Variants in USP15 observed in about 807,000 individuals in gnomAD.
USP15 encodes the protein ubiquitin carboxyl-terminal hydrolase 15.
Under a neutral mutation model 127.1 loss-of-function variants are expected in USP15, and 18 were observed. The ratio of observed to expected loss-of-function variants is 0.14; its 90% CI spans 0.10 to 0.21. USP15 has a LOEUF of 0.21. Ranked by LOEUF, USP15 falls within the 10% of genes least tolerant of loss-of-function variation. The pLI is 1.00. For synonymous variants in USP15, 364 were observed against 393.7 expected, an observed-to-expected ratio of 0.92 and a Z score of 0.89; for missense variants, 805 against 1,159.9, an observed-to-expected ratio of 0.69 and a Z score of 4.44.
chr12:62,269,026 T>G (rs928173678), intron 1 of USP15, among the ~76,000 whole-genome samples: 1 of 152,164 alleles, frequency 6.6e-6, no homozygotes, highest in Non-Finnish European at 1.5e-5. Flanking sequence ...GCATCTTGCT[T>G]CTTTTACTTA....
intron 1 of USP15, among the ~76,000 whole-genome samples, chr12:62,275,951 A>G (rs1028109454): frequency 1.3e-5 from 2 of 151,882 alleles, no homozygotes; most frequent in Non-Finnish European, 2.9e-5. Flanking sequence ...ACATGGTGGA[A>G]GATTACAGGT....
At chr12:62,350,814 G>T (rs906074531) in intron 7 of USP15, among the ~76,000 whole-genome samples, 1 of 152,044 alleles carries the variant, frequency 6.6e-6, no homozygotes, top group African/African-American at 2.4e-5. Flanking sequence ...TTTTCATAGA[G>T]ACAGTCCCAC....
In USP15 at chr12:62,260,514, G is replaced by A; in HGVS notation, c.89+11G>A. The A allele has an allele frequency of 6.4e-7, 1 of 1,550,610 alleles. No individual in the cohort carries two copies. Among genetic ancestry groups the A allele is most frequent in the South Asian group, 1.2e-5 (1 of 84,010 alleles). On this transcript the variant is annotated intron_variant, in intron 1 of 21. Transcript: ENST00000280377. ...GAAAGGGGACACCTGGTAAGAGAAA[G>A]GGGTTGAGATGCCCGCGGTTGCCCG...
chr12:62,315,823 A>G (rs552895411), intron 4 of USP15, among the ~76,000 whole-genome samples: 1 of 152,318 alleles, frequency 6.6e-6, no homozygotes, highest in South Asian at 2.1e-4. Flanking sequence ...CACAGCTGGA[A>G]AATCCTTTTA....
intron 1 of USP15, among the ~76,000 whole-genome samples, chr12:62,275,765 T>C (rs1378378150): frequency 6.6e-6 from 1 of 152,092 alleles, no homozygotes; most frequent in Non-Finnish European, 1.5e-5. Flanking sequence ...GATTACTTCC[T>C]CTACTGATAC....
chr12:62,343,575 G>A (rs1167989678), intron 6 of USP15, among the ~76,000 whole-genome samples: 1 of 152,144 alleles, frequency 6.6e-6, no homozygotes, highest in Non-Finnish European at 1.5e-5. Flanking sequence ...TCTGCAGATT[G>A]CAAAAACCAT....
At chr12:62,269,336 G>A (rs1284228185) in intron 1 of USP15, among the ~76,000 whole-genome samples, 2 of 151,784 alleles carry the variant, frequency 1.3e-5, no homozygotes, top group Admixed American at 6.6e-5. Context: ...ATATATATGT[G>A]TGTGTGTATA....
At chr12:62,348,049 T>C (rs2065870006) in intron 6 of USP15, among the ~76,000 whole-genome samples, 1 of 151,864 alleles carries the variant, frequency 6.6e-6, no homozygotes, top group African/African-American at 2.4e-5. Flanking sequence ...CAAAAAAAAT[T>C]TGTTTTTAAA....
chr12:62,380,729 A>G (rs1337342353), intron 8 of USP15, among the ~76,000 whole-genome samples: 1 of 152,088 alleles, frequency 6.6e-6, no homozygotes, highest in East Asian at 1.9e-4. Flanking sequence ...AGGTCAAATT[A>G]TATGGATCAT....
At position 62,312,011 on chromosome 12, in the gene USP15, T is replaced by C. The variant is rs189039270; in HGVS notation, c.349-2779T>C. ...ATTTGTGGATGGAAAATCACATACA[T>C]AGGATTTGTTTCTTACACATTAAGA... On this transcript the variant is annotated intron_variant, in intron 3 of 21. Coordinates refer to ENST00000280377, the MANE Select transcript of USP15 (RefSeq NM_001252078.2). Among the ~76,000 whole-genome samples, 10 of 151,944 alleles carry C rather than the reference T, an allele frequency of 6.6e-5. No homozygotes were observed. The East Asian group carries it at 1.9e-3, about 29-fold the overall frequency.
chr12:62,295,798 G>A (rs1232857002), intron 2 of USP15, among the ~76,000 whole-genome samples: 1 of 152,176 alleles, frequency 6.6e-6, no homozygotes, highest in Non-Finnish European at 1.5e-5. Context: ...TTAAGATATG[G>A]AACAAGATAA....
intron 19 of USP15, chr12:62,393,985 GT>G (rs2067402950): frequency 6.6e-6 from 1 of 152,206 alleles, no homozygotes; most frequent in African/African-American, 2.4e-5. Context: ...TTATCCTTCA[GT>G]TTTCCTATTG....
intron 1 of USP15, among the ~76,000 whole-genome samples, chr12:62,266,840 A>G (rs2063203347): frequency 1.3e-5 from 2 of 152,134 alleles, no homozygotes; most frequent in African/African-American, 2.4e-5. Context: ...TGTCGCAGCC[A>G]CTATTTTAAA....
At chr12:62,279,246 A>C (rs1010618778) in intron 1 of USP15, 1 of 152,138 alleles carries the variant, frequency 6.6e-6, no homozygotes, top group African/African-American at 2.4e-5. Context: ...GGAATCATGC[A>C]GGATTTGTCT....
chr12:62,325,387 A>G (rs2065097961), intron 5 of USP15, among the ~76,000 whole-genome samples: 1 of 152,010 alleles, frequency 6.6e-6, no homozygotes, highest in African/African-American at 2.4e-5. Flanking sequence ...AATAAATTCT[A>G]CATAATCTGT....
Position 62,412,770 on chromosome 12 carries a change from A to G in USP15, c.*8395A>G, listed in dbSNP as rs2068067938. The G allele has an allele frequency of 6.6e-6, 1 of 152,212 alleles. No individual in the cohort carries two copies. Among genetic ancestry groups the G allele is most frequent in the African/African-American group, 2.4e-5 (1 of 41,458 alleles). 9.4% of individuals were successfully genotyped at this position (152,212 alleles called of 1,614,324 possible). ...CTCTTGCTATTTTCACCGCATCTGC[A>G]GTTACTGCCGCCACTGAGGTTTTGA... is the stretch of plus-strand genomic sequence containing the variant. On this transcript the variant is annotated 3_prime_UTR_variant, in exon 22 of 22. Coordinates refer to ENST00000280377, the MANE Select transcript of USP15 (RefSeq NM_001252078.2).
At position 62,404,236 on chromosome 12, in the gene USP15, T is replaced by G. The variant is rs201938247; in HGVS notation, c.2807T>G (p.Phe936Cys). ...CTCTTCTACCAGAGACAAGACACTT[T>G]CAGTGGAACTGGCTTTTTTCCTCTT... Reference protein sequence around the residue: ...YVLFYQRQDTFSGTGFFPLDR... With the variant: ...YVLFYQRQDTCSGTGFFPLDR... The change falls in exon 22 of 22, where the codon TTC (phenylalanine) becomes TGC (cysteine). Residue 936 changes from phenylalanine to cysteine, a missense_variant. By Grantham distance (205) the Phe-to-Cys change is radical. Transcript: ENST00000280377. 5.4e-5 allele frequency: 87 copies of G among 1,613,196 alleles called. No homozygotes were observed. Among genetic ancestry groups the G allele is most frequent in the Non-Finnish European group, 6.4e-5 (76 of 1,179,412 alleles).
rs374748626 is a variant in USP15 at position 62,329,631 on chromosome 12, TA to T, written c.683+3702del. Among the ~76,000 whole-genome samples, 686 of 151,974 alleles carry T rather than the reference TA, an allele frequency of 4.5e-3. 6 individuals are homozygous for T. Among genetic ancestry groups the T allele is most frequent in the African/African-American group, 0.016 (665 of 41,462 alleles). ...GAACAATAGCTTTTAAAAAAATAGG[TA>T]AAAGATACTAACAGACAATTTAAAT... On this transcript the variant is annotated intron_variant, in intron 6 of 21. Transcript: ENST00000280377.
At chr12:62,336,524 A>G (rs12310651) in intron 6 of USP15, 205,771 of 972,078 alleles carry the variant, frequency 0.21, 22,258 homozygotes, top group African/African-American at 0.34. Context: ...TAAAGATCCA[A>G]AGAACTTCTG....
Sources: allele counts gnomAD v4.1 joint callset (sites outside exome capture counted in the v4.1 genomes callset), GRCh38; gene constraint gnomAD v4.1.1; transcripts MANE v1.5; gene names NCBI Gene and HGNC (gene_info 2026-07-23, HGNC 2026-07-21).